Variants in EMB observed in about 807,000 individuals in gnomAD.
EMB encodes the protein embigin homolog.
EMB carries 31 observed loss-of-function variants against 41.4 expected under a neutral mutation model. The observed-to-expected ratio is 0.75, with a 90% CI of 0.56 to 1.01. The LOEUF (loss-of-function observed/expected upper bound fraction) is 1.01. Among genes scored for constraint, EMB ranks in the 50% least tolerant of loss-of-function variants. The probability of loss-of-function intolerance (pLI) is 0.00; values close to 1 mark genes in which losing one functional copy is unlikely to be tolerated. For missense variants in EMB, 379 were observed against 388.3 expected (o/e 0.98, Z 0.20); for synonymous variants, 137 against 140.4 (o/e 0.98, Z 0.17).
chr5:50,428,827 A>G (rs1335719140), intron 1 of EMB: 3 of 710,492 alleles, frequency 4.2e-6, no homozygotes, highest in East Asian at 2.7e-4. Flanking sequence ...TTAAAGAAAC[A>G]AGGTTTCTAT....
At chr5:50,416,675 A>G (rs918271101) in intron 2 of EMB, among the ~76,000 whole-genome samples, 1 of 152,180 alleles carries the variant, frequency 6.6e-6, no homozygotes, top group African/African-American at 2.4e-5. Context: ...GATAGAAAAT[A>G]CAGAGCCCTA....
chr5:50,439,707 C>T (rs1028730139), intron 1 of EMB, among the ~76,000 whole-genome samples: 1 of 152,016 alleles, frequency 6.6e-6, no homozygotes, highest in African/African-American at 2.4e-5. Flanking sequence ...AACAACTAGA[C>T]GTTTTAAAAG....
intron 4 of EMB, among the ~76,000 whole-genome samples, chr5:50,410,040 C>A (rs1745308978): frequency 6.6e-6 from 1 of 151,994 alleles, no homozygotes; most frequent in African/African-American, 2.4e-5. Flanking sequence ...ATTGATGGAG[C>A]CTTGAGAATA....
At chr5:50,428,722 T>C in intron 1 of EMB, 6 of 985,330 alleles carry the variant, frequency 6.1e-6, no homozygotes, top group Non-Finnish European at 7.2e-6. Context: ...TTGCTATTTG[T>C]TTTCTAGCTA....
At chr5:50,401,897 T>C (rs1177521153) in intron 7 of EMB, among the ~76,000 whole-genome samples, 2 of 151,894 alleles carry the variant, frequency 1.3e-5, no homozygotes, top group Non-Finnish European at 2.9e-5. Flanking sequence ...TGATCAAAAA[T>C]TGCCAGGCTT....
At chr5:50,429,744 T>C (rs111729639) in intron 1 of EMB, among the ~76,000 whole-genome samples, 4 of 152,274 alleles carry the variant, frequency 2.6e-5, no homozygotes, top group African/African-American at 9.6e-5. Flanking sequence ...CCTCTCACAA[T>C]GATTATATAG....
chr5:50,437,141 T>C (rs1231569370), intron 1 of EMB, among the ~76,000 whole-genome samples: 1 of 152,004 alleles, frequency 6.6e-6, no homozygotes, highest in East Asian at 1.9e-4. Context: ...TGTGGTGGCA[T>C]ATGCCTGTAG....
At chr5:50,430,480 A>C (rs1745702462) in intron 1 of EMB, among the ~76,000 whole-genome samples, 1 of 152,154 alleles carries the variant, frequency 6.6e-6, no homozygotes, top group South Asian at 2.1e-4. Context: ...TATTCCACTT[A>C]AGTAAGTGAA....
At chr5:50,424,502 G>A (rs980384342) in intron 2 of EMB, among the ~76,000 whole-genome samples, 3 of 152,182 alleles carry the variant, frequency 2.0e-5, no homozygotes, top group Admixed American at 2.0e-4. Context: ...CTTACAGAGT[G>A]TGAGGTCCTG....
At chr5:50,412,565 T>C (rs932554070) in intron 2 of EMB, among the ~76,000 whole-genome samples, 9 of 152,040 alleles carry the variant, frequency 5.9e-5, no homozygotes, top group African/African-American at 1.7e-4. Context: ...CATTTCGTTT[T>C]TCCATAAGCT....
chr5:50,427,508 A>ATAT lies in EMB; in HGVS notation c.196+633_196+635dup, dbSNP rs556754287. On this transcript the variant is annotated intron_variant, in intron 2 of 8. Coordinates refer to ENST00000303221, the MANE Select transcript of EMB (RefSeq NM_198449.3). ...TGAAGACATTATTATTATTATTATT[A>ATAT]TATTATTATTATTATTATTTGACAG... 6.7e-4 allele frequency among the ~76,000 whole-genome samples: 100 copies of ATAT among 148,732 alleles called. 1 individual carries two copies. In the East Asian group the frequency reaches 7.7e-3, roughly 11 times the overall value.
chr5:50,437,665 GACTA>G (rs1561142530), intron 1 of EMB, among the ~76,000 whole-genome samples: 1 of 129,770 alleles, frequency 7.7e-6, no homozygotes. Context: ...CTGAGATATG[GACTA>G]ACAATGTCAG....
chr5:50,433,559 G>A (rs1359958767), intron 1 of EMB, among the ~76,000 whole-genome samples: 1 of 152,140 alleles, frequency 6.6e-6, no homozygotes. Flanking sequence ...TAGTCTATTC[G>A]ATAAGAGTTG....
intron 1 of EMB, among the ~76,000 whole-genome samples, chr5:50,438,670 C>T (rs1745845511): frequency 6.6e-6 from 1 of 152,096 alleles, no homozygotes; most frequent in South Asian, 2.1e-4. Flanking sequence ...AAATGAATTT[C>T]CCAGAGATCA....
chr5:50,421,498 G>T (rs1389671728), intron 2 of EMB, among the ~76,000 whole-genome samples: 1 of 152,036 alleles, frequency 6.6e-6, no homozygotes, highest in Admixed American at 6.6e-5. Context: ...GATTCCTCAG[G>T]GATCTAGAAC....
chr5:50,443,175 C>T (rs1745943888), upstream of EMB: 1 of 152,130 alleles, frequency 6.6e-6, no homozygotes, highest in South Asian at 2.1e-4. Context: ...ATAACTTTTT[C>T]TATCCCTGAT....
At chr5:50,417,981 T>A (rs1745457109) in intron 2 of EMB, among the ~76,000 whole-genome samples, 1 of 152,174 alleles carries the variant, frequency 6.6e-6, no homozygotes. Context: ...TAACAGAAAT[T>A]AAGGCATGTA....
chr5:50,425,268 T>G (rs974006819), intron 2 of EMB, among the ~76,000 whole-genome samples: 4 of 152,152 alleles, frequency 2.6e-5, no homozygotes, highest in African/African-American at 9.7e-5. Flanking sequence ...TTTGCACATC[T>G]GCACCTCTAA....
chr5:50,437,760 T>C (rs1012524230), intron 1 of EMB, among the ~76,000 whole-genome samples: 5 of 152,024 alleles, frequency 3.3e-5, no homozygotes, highest in African/African-American at 1.2e-4. Flanking sequence ...GAGAGGTTAG[T>C]AGGGAAGGGG....
Sources: gnomAD v4.1 joint callset for allele counts (sites outside exome capture counted in the v4.1 genomes callset) on GRCh38, gnomAD v4.1.1 for gene constraint, MANE v1.5 for transcripts, NCBI Gene and HGNC (gene_info 2026-07-23, HGNC 2026-07-21) for gene names.